Variants in NELL1 observed in about 807,000 individuals in gnomAD.
NELL1 encodes the protein neural EGFL like 1.
A neutral mutation model predicts 107.4 loss-of-function variants in NELL1; 76 were observed. The ratio of observed to expected loss-of-function variants is 0.71; its 90% CI spans 0.59 to 0.86. The LOEUF (loss-of-function observed/expected upper bound fraction) is 0.86, where lower values mean the gene tolerates loss of function less well. Ranked by LOEUF, NELL1 falls within the 40% of genes least tolerant of loss-of-function variation. The pLI, the probability that NELL1 is intolerant of heterozygous loss-of-function variation, is 0.00. For missense variants in NELL1, 1,024 were observed against 1,005.5 expected, an observed-to-expected ratio of 1.02 and a Z score of -0.25; for synonymous variants, 353 against 341.2, an observed-to-expected ratio of 1.03 and a Z score of -0.38.
chr11:21,223,258 G>T (rs1857807349), intron 13 of NELL1, among the ~76,000 whole-genome samples: 1 of 151,940 alleles, frequency 6.6e-6, no homozygotes, highest in South Asian at 2.1e-4. Context: ...CTGGATGCAT[G>T]TGTATTTACA....
At chr11:20,768,469 T>G (rs1456415249) in intron 2 of NELL1, among the ~76,000 whole-genome samples, 1 of 152,238 alleles carries the variant, frequency 6.6e-6, no homozygotes, top group Admixed American at 6.5e-5. Context: ...TAATGGGCAG[T>G]GTGGAGAGCT....
chr11:21,297,195 C>T (rs941310676), intron 14 of NELL1, among the ~76,000 whole-genome samples: 2 of 151,764 alleles, frequency 1.3e-5, no homozygotes, highest in East Asian at 1.9e-4. Context: ...CTGGACATAT[C>T]GATAGTATTA....
At chr11:21,321,903 T>A (rs1850019305) in intron 14 of NELL1, among the ~76,000 whole-genome samples, 1 of 152,252 alleles carries the variant, frequency 6.6e-6, no homozygotes, top group African/African-American at 2.4e-5. Flanking sequence ...TAGATTTATG[T>A]CACTGTAATA....
chr11:20,897,531 C>A (rs568080984), intron 5 of NELL1, among the ~76,000 whole-genome samples: 3 of 152,142 alleles, frequency 2.0e-5, no homozygotes, highest in South Asian at 4.2e-4. Flanking sequence ...TCTAAAACAC[C>A]AAAAGCAATG....
chr11:21,262,647 T>C (rs2133924279), intron 14 of NELL1: 1 of 151,682 alleles, frequency 6.6e-6, no homozygotes, highest in African/African-American at 2.4e-5. Context: ...GGTTCCTGTA[T>C]GGAATTTGAG....
chr11:21,135,386 GTACAGA>G (rs1427254563), intron 13 of NELL1, among the ~76,000 whole-genome samples: 1 of 152,214 alleles, frequency 6.6e-6, no homozygotes, highest in Non-Finnish European at 1.5e-5. Flanking sequence ...GTCTGGTGCA[GTACAGA>G]TACCCAGAAA....
intron 14 of NELL1, among the ~76,000 whole-genome samples, chr11:21,319,050 T>C (rs530710376): frequency 1.3e-5 from 2 of 152,206 alleles, no homozygotes; most frequent in East Asian, 3.9e-4. Flanking sequence ...TTATTACTTA[T>C]ATGCATGTAA....
chr11:21,438,259 GTTTT>G (rs35035702), intron 15 of NELL1, among the ~76,000 whole-genome samples: 1 of 150,470 alleles, frequency 6.6e-6, no homozygotes, highest in African/African-American at 2.4e-5. Context: ...TTACATGACA[GTTTT>G]TTTGTTTGTT....
intron 15 of NELL1, among the ~76,000 whole-genome samples, chr11:21,455,111 A>G (rs1246160903): frequency 1.3e-5 from 2 of 152,152 alleles, no homozygotes; most frequent in Non-Finnish European, 2.9e-5. Flanking sequence ...TTTGCTTGCA[A>G]AGGTCTTTAT....
chr11:21,467,282 C>T (rs570911733), intron 15 of NELL1, among the ~76,000 whole-genome samples: 1 of 152,096 alleles, frequency 6.6e-6, no homozygotes, highest in East Asian at 1.9e-4. Context: ...AGCAATAGTA[C>T]CTATCTCAAA....
intron 13 of NELL1, among the ~76,000 whole-genome samples, chr11:21,227,022 G>C (rs192838984): frequency 6.6e-6 from 1 of 152,318 alleles, no homozygotes; most frequent in Admixed American, 6.5e-5. Flanking sequence ...TGGAAGATAA[G>C]ACCTGGTAGG....
Position 21,086,762 on chromosome 11 carries a change from T to C in NELL1, c.1301-26827T>C, listed in dbSNP as rs1854400480. On this transcript the variant is annotated intron_variant, in intron 12 of 19. Coordinates refer to ENST00000357134, the MANE Select transcript of NELL1 (RefSeq NM_006157.5). ...AAGAGCTTCTGATTTGAAAGGCAGA[T>C]AGAAAAAACCTTGAATAGAAGAGAA... Among the ~76,000 whole-genome samples, 3 of 150,882 alleles carry C rather than the reference T, an allele frequency of 2.0e-5. No homozygotes were observed. In the South Asian group the frequency reaches 6.3e-4, roughly 32 times the overall value.
At chr11:20,750,271 T>C (rs1856102312) in intron 2 of NELL1, among the ~76,000 whole-genome samples, 2 of 152,152 alleles carry the variant, frequency 1.3e-5, no homozygotes, top group African/African-American at 4.8e-5. Flanking sequence ...TTCTTCATTA[T>C]TATTATTTAA....
chr11:21,102,188 T>G (rs563924341), intron 12 of NELL1, among the ~76,000 whole-genome samples: 1 of 152,278 alleles, frequency 6.6e-6, no homozygotes, highest in East Asian at 1.9e-4. Context: ...TGTTAAAAAA[T>G]TATTGCTTCC....
intron 15 of NELL1, among the ~76,000 whole-genome samples, chr11:21,389,206 A>G (rs1851813310): frequency 2.0e-5 from 3 of 151,950 alleles, no homozygotes; most frequent in African/African-American, 7.2e-5. Context: ...AGGTGAGGAA[A>G]CTGAGGCTTG....
intron 2 of NELL1, among the ~76,000 whole-genome samples, chr11:20,782,982 G>A (rs1344478954): frequency 2.6e-5 from 4 of 152,114 alleles, no homozygotes; most frequent in Non-Finnish European, 5.9e-5. Context: ...CTGCTGAATC[G>A]GCCTCAACTT....
chr11:20,738,574 TTTC>T lies in NELL1; in HGVS notation c.185-45102_185-45100del. Among the ~76,000 whole-genome samples, 3 of 152,326 alleles carry T rather than the reference TTTC, an allele frequency of 2.0e-5. No individual in the cohort carries two copies. The South Asian group carries it at 6.2e-4, about 32-fold the overall frequency. ...GTTTTCAAAAAGACTTTTTCTTTCTTTTCTTCATTCTTTTCTGATGGAATTGAA... is the reference window on the plus strand; with the variant it reads ...GTTTTCAAAAAGACTTTTTCTTTCTTTTCATTCTTTTCTGATGGAATTGAA... On this transcript the variant is annotated intron_variant, in intron 2 of 19. Transcript: ENST00000357134.
intron 1 of NELL1, chr11:20,674,709 A>T (rs910088620): frequency 1.1e-5 from 7 of 633,108 alleles, no homozygotes; most frequent in Non-Finnish European, 2.0e-5. Flanking sequence ...TTTCCACAAT[A>T]CTTTCTGGAT....
chr11:21,455,320 CTTTTTTTT>C (rs34607165), intron 15 of NELL1, among the ~76,000 whole-genome samples: 5 of 77,216 alleles, frequency 6.5e-5, no homozygotes, highest in Non-Finnish European at 1.2e-4. Context: ...TTCTTTTATT[CTTTTTTTT>C]TTTTTTTTTA....
Sources: allele counts gnomAD v4.1 joint callset (sites outside exome capture counted in the v4.1 genomes callset), GRCh38; gene constraint gnomAD v4.1.1; transcripts MANE v1.5; gene names NCBI Gene and HGNC (gene_info 2026-07-23, HGNC 2026-07-21).